The following ADAMTSL1 variants were observed in gnomAD, a reference collection of about 807,000 sequenced individuals.
ADAMTSL1 encodes ADAMTS-like protein 1.
ADAMTSL1 carries 126 observed loss-of-function variants against 201.8 expected under a neutral mutation model. The observed-to-expected ratio is 0.62, with a 90% confidence interval of 0.54 to 0.72. ADAMTSL1 has a LOEUF of 0.72. Ranked by LOEUF, ADAMTSL1 falls within the 30% of genes least tolerant of loss-of-function variation. The pLI is 0.00. For synonymous variants in ADAMTSL1, 1,121 were observed against 903.4 expected, an observed-to-expected ratio of 1.24 and a Z score of -4.32; for missense variants, 2,679 against 2,277.8, an observed-to-expected ratio of 1.18 and a Z score of -3.59.
At chr9:18,395,513 A>G (rs1055090942) in intron 2 of ADAMTSL1, among the ~76,000 whole-genome samples, 1 of 152,228 alleles carries the variant, frequency 6.6e-6, no homozygotes, top group Admixed American at 6.5e-5. Flanking sequence ...GAGGATTTGC[A>G]CTTTGTATGA....
chr9:18,796,297 G>C (rs1405330291), intron 20 of ADAMTSL1, among the ~76,000 whole-genome samples: 1 of 152,142 alleles, frequency 6.6e-6, no homozygotes, highest in East Asian at 1.9e-4. Context: ...CTAGTGGCGG[G>C]GGAAGAAGGG....
chr9:18,368,976 C>A (rs1414250221), intron 2 of ADAMTSL1, among the ~76,000 whole-genome samples: 4 of 152,102 alleles, frequency 2.6e-5, no homozygotes, highest in African/African-American at 7.2e-5. Context: ...TTGTTTATAC[C>A]CAGAATGAGG....
intron 23 of ADAMTSL1, among the ~76,000 whole-genome samples, chr9:18,886,161 T>A (rs1463502624): frequency 4.6e-3 from 140 of 30,220 alleles, no homozygotes; most frequent in African/African-American, 0.032. Context: ...TGTGAGTGTG[T>A]ATGTGTATAT....
intron 5 of ADAMTSL1, among the ~76,000 whole-genome samples, chr9:18,634,898 A>AATATATATAT: frequency 7.9e-6 from 1 of 127,050 alleles, no homozygotes; most frequent in Non-Finnish European, 1.6e-5. Flanking sequence ...TATGTATGTA[A>AATATATATAT]ATATATATTT....
intron 1 of ADAMTSL1, among the ~76,000 whole-genome samples, chr9:18,012,025 C>A (rs927953435): frequency 6.6e-6 from 1 of 152,008 alleles, no homozygotes; most frequent in Admixed American, 6.6e-5. Flanking sequence ...GGATATTTGG[C>A]CTTCAGAGTA....
At chr9:18,307,997 T>C (rs962694437) in intron 2 of ADAMTSL1, among the ~76,000 whole-genome samples, 4 of 151,478 alleles carry the variant, frequency 2.6e-5, no homozygotes, top group African/African-American at 9.7e-5. Flanking sequence ...CAAACAGTCT[T>C]ACACCACAGT....
intron 1 of ADAMTSL1, among the ~76,000 whole-genome samples, chr9:18,087,451 A>G (rs1052935425): frequency 6.6e-6 from 1 of 152,128 alleles, no homozygotes; most frequent in Admixed American, 6.5e-5. Context: ...ATAATATGAA[A>G]GTGGTAAGTT....
At chr9:18,711,075 T>C (rs1832555459) in intron 14 of ADAMTSL1, among the ~76,000 whole-genome samples, 1 of 152,236 alleles carries the variant, frequency 6.6e-6, no homozygotes, top group Non-Finnish European at 1.5e-5. Flanking sequence ...AGTGATGATC[T>C]ACAGCTGCAG....
chr9:17,965,659 T>C (rs576610642), intron 1 of ADAMTSL1, among the ~76,000 whole-genome samples: 9 of 152,302 alleles, frequency 5.9e-5, no homozygotes, highest in African/African-American at 2.2e-4. Context: ...GTTTTGACAA[T>C]TCCTATGACT....
In ADAMTSL1 at chr9:18,582,858, T is replaced by C. The variant is rs1243858358; in HGVS notation, c.474+8592T>C. 3.5e-5 allele frequency among the ~76,000 whole-genome samples: 5 copies of C among 141,374 alleles called. 1 individual carries two copies. Among genetic ancestry groups the C allele is most frequent in the Non-Finnish European group, 7.7e-5 (5 of 64,976 alleles). 92.7% of individuals were successfully genotyped at this position (141,374 alleles called of 152,430 possible). On this transcript the variant is annotated intron_variant, in intron 4 of 28. Coordinates refer to ENST00000380548, the MANE Select transcript of ADAMTSL1 (RefSeq NM_001040272.6). ...AACGAGACTCCATCTCAAAATAAAA[T>C]AAAATAAATAAAATAAAATAAAATA...
intron 19 of ADAMTSL1, among the ~76,000 whole-genome samples, chr9:18,780,915 A>T (rs896414417): frequency 6.6e-6 from 1 of 152,202 alleles, no homozygotes; most frequent in South Asian, 2.1e-4. Flanking sequence ...TCTTTTAAGC[A>T]TTCCAATGTG....
chr9:18,256,258 C>T (rs962999306), intron 2 of ADAMTSL1, among the ~76,000 whole-genome samples: 3 of 152,112 alleles, frequency 2.0e-5, no homozygotes, highest in African/African-American at 7.2e-5. Context: ...CAAAGGGCAT[C>T]GTACAGGCTG....
intron 2 of ADAMTSL1, among the ~76,000 whole-genome samples, chr9:18,176,147 A>G (rs527669520): frequency 6.6e-6 from 1 of 151,998 alleles, no homozygotes; most frequent in Non-Finnish European, 1.5e-5. Context: ...AATTTGTTGT[A>G]GCGTGCTGCT....
At chr9:18,719,434 A>G (rs1039443986) in intron 14 of ADAMTSL1, among the ~76,000 whole-genome samples, 2 of 151,952 alleles carry the variant, frequency 1.3e-5, no homozygotes, top group African/African-American at 4.8e-5. Flanking sequence ...TGCAACCTTC[A>G]TCTCCCTGCA....
At chr9:17,921,099 A>G (rs1311736650) in intron 1 of ADAMTSL1, among the ~76,000 whole-genome samples, 1 of 152,130 alleles carries the variant, frequency 6.6e-6, no homozygotes, top group Admixed American at 6.5e-5. Flanking sequence ...TAAAACTCCT[A>G]TTAGTTATTT....
intron 2 of ADAMTSL1, among the ~76,000 whole-genome samples, chr9:18,238,436 G>A (rs1037610834): frequency 6.6e-6 from 1 of 152,112 alleles, no homozygotes; most frequent in African/African-American, 2.4e-5. Context: ...GGAAGGAGCT[G>A]GGCTTGCAGG....
intron 7 of ADAMTSL1, among the ~76,000 whole-genome samples, chr9:18,651,691 G>A (rs932829877): frequency 2.0e-5 from 3 of 152,126 alleles, no homozygotes; most frequent in African/African-American, 4.8e-5. Context: ...TTGCATCTTG[G>A]AGAATTCTAA....
chr9:18,376,779 C>A (rs1837315007), intron 2 of ADAMTSL1, among the ~76,000 whole-genome samples: 1 of 152,034 alleles, frequency 6.6e-6, no homozygotes, highest in Non-Finnish European at 1.5e-5. Flanking sequence ...GCACTCCAGC[C>A]TGGGCGACAG....
At chr9:18,423,320 A>T (rs1437235492) in intron 2 of ADAMTSL1, among the ~76,000 whole-genome samples, 1 of 152,162 alleles carries the variant, frequency 6.6e-6, no homozygotes. Context: ...TTGTTATATG[A>T]CATAAGTCAC....
Sources: gnomAD v4.1 joint callset for allele counts (sites outside exome capture counted in the v4.1 genomes callset) on GRCh38, gnomAD v4.1.1 for gene constraint, MANE v1.5 for transcripts, NCBI Gene and HGNC (gene_info 2026-07-23, HGNC 2026-07-21) for gene names.